Variants in BRINP1 observed in about 807,000 individuals in gnomAD.
BRINP1 encodes BMP/retinoic acid-inducible neural-specific protein 1.
Under a neutral mutation model 72.9 loss-of-function variants are expected in BRINP1, and 17 were observed. The observed-to-expected ratio is 0.23, with a 90% confidence interval of 0.16 to 0.35. The LOEUF (loss-of-function observed/expected upper bound fraction) is 0.35. Ranked by LOEUF, BRINP1 falls within the 10% of genes least tolerant of loss-of-function variation. The pLI, the probability that BRINP1 is intolerant of heterozygous loss-of-function variation, is 1.00. For synonymous variants in BRINP1, 418 were observed against 378.5 expected (o/e 1.10, Z -1.21); for missense variants, 850 against 1,001.6 (o/e 0.85, Z 2.04).
chr9:119,327,014 A>G (rs1004853609), intron 1 of BRINP1, among the ~76,000 whole-genome samples: 1 of 152,192 alleles, frequency 6.6e-6, no homozygotes, highest in Non-Finnish European at 1.5e-5. Flanking sequence ...GAATCTACAA[A>G]CATTTCCCAG....
rs1384471796 is a variant in BRINP1 at position 119,353,107 on chromosome 9, A to T, written c.-51+15949T>A. Among the ~76,000 whole-genome samples the T allele has an allele frequency of 3.3e-5, 5 of 152,320 alleles. No homozygotes were observed. The East Asian group carries it at 9.7e-4, about 29-fold the overall frequency. On this transcript the variant is annotated intron_variant, in intron 1 of 7. Coordinates refer to ENST00000265922, the MANE Select transcript of BRINP1 (RefSeq NM_014618.3). The stretch of plus-strand genomic sequence containing the variant: ...TCATTTTATGGCCTAAAGATTCAGA[A>T]CATCTATTGATAGAATTTCGGTACC...
intron 2 of BRINP1, among the ~76,000 whole-genome samples, chr9:119,308,633 G>T (rs1831024528): frequency 6.6e-6 from 1 of 152,106 alleles, no homozygotes; most frequent in African/African-American, 2.4e-5. Context: ...AAATTATCAG[G>T]ACAACAGAGG....
intron 2 of BRINP1, among the ~76,000 whole-genome samples, chr9:119,267,348 T>C (rs983915465): frequency 3.3e-5 from 5 of 151,968 alleles, no homozygotes; most frequent in African/African-American, 1.2e-4. Context: ...AAGAAGCCTA[T>C]TAAAGACCAG....
chr9:119,178,496 C>T (rs956509705), intron 7 of BRINP1, among the ~76,000 whole-genome samples: 7 of 152,208 alleles, frequency 4.6e-5, no homozygotes. Flanking sequence ...AATCAATCTC[C>T]TATACCTCCC....
chr9:119,278,966 A>C (rs759714633), intron 2 of BRINP1, among the ~76,000 whole-genome samples: 1 of 152,150 alleles, frequency 6.6e-6, no homozygotes, highest in Admixed American at 6.5e-5. Flanking sequence ...TTTTACATCC[A>C]AAATATCCCA....
intron 1 of BRINP1, among the ~76,000 whole-genome samples, chr9:119,324,258 T>C (rs1226018043): frequency 1.3e-5 from 2 of 152,142 alleles, no homozygotes; most frequent in African/African-American, 4.8e-5. Context: ...TTACTACCTA[T>C]CTTCAAGACT....
intron 7 of BRINP1, among the ~76,000 whole-genome samples, chr9:119,176,310 C>T (rs1198000864): frequency 6.6e-6 from 1 of 152,112 alleles, no homozygotes; most frequent in African/African-American, 2.4e-5. Flanking sequence ...GACGATGATG[C>T]TCTCAGTGGT....
chr9:119,209,336 G>A (rs1249790406), intron 6 of BRINP1, among the ~76,000 whole-genome samples: 1 of 152,172 alleles, frequency 6.6e-6, no homozygotes, highest in Non-Finnish European at 1.5e-5. Context: ...ACTTTGGGAG[G>A]CCAAGGCGGG....
chr9:119,345,335 GA>G (rs981291846), intron 1 of BRINP1, among the ~76,000 whole-genome samples: 8 of 151,360 alleles, frequency 5.3e-5, no homozygotes, highest in African/African-American at 1.5e-4. Context: ...TTTCTTGGGA[GA>G]AAAAAAAATT....
intron 1 of BRINP1, among the ~76,000 whole-genome samples, chr9:119,367,994 A>G (rs1831713361): frequency 6.6e-6 from 1 of 152,164 alleles, no homozygotes; most frequent in Non-Finnish European, 1.5e-5. Flanking sequence ...CTGTCTTAGG[A>G]AAGTGCCCCA....
At chr9:119,204,353 C>T (rs1829831444) in intron 7 of BRINP1, among the ~76,000 whole-genome samples, 1 of 152,196 alleles carries the variant, frequency 6.6e-6, no homozygotes, top group Non-Finnish European at 1.5e-5. Context: ...ACCCCTTTTG[C>T]CTTCCAGCCA....
chr9:119,176,470 T>C lies in BRINP1; in HGVS notation c.1146-8246A>G, dbSNP rs1160966443. 6.6e-5 allele frequency among the ~76,000 whole-genome samples: 10 copies of C among 152,326 alleles called. No individual in the cohort carries two copies. The East Asian group carries it at 1.7e-3, about 26-fold the overall frequency. ...AAACACCAAGAGCCTAATTAGGCAG[T>C]AGAGCCTAATGTTGAAAAGTATGGT... On this transcript the variant is annotated intron_variant, in intron 7 of 7. Coordinates refer to ENST00000265922, the MANE Select transcript of BRINP1 (RefSeq NM_014618.3).
At chr9:119,292,745 A>G (rs530638881) in intron 2 of BRINP1, among the ~76,000 whole-genome samples, 2 of 152,222 alleles carry the variant, frequency 1.3e-5, no homozygotes, top group African/African-American at 4.8e-5. Context: ...GTGATGGACA[A>G]AAGTCTTACC....
rs189192986 is a variant in BRINP1 at position 119,208,961 on chromosome 9, G to C, written c.923-20C>G. On this transcript the variant is annotated intron_variant, in intron 6 of 7. Coordinates refer to ENST00000265922, the MANE Select transcript of BRINP1 (RefSeq NM_014618.3). ...ACTCATCTAGTGAGAGACAAAGGCC[G>C]AGAGAGAAGGGCTAAGCATGATAAC... 10 of 1,591,998 alleles carry C rather than the reference G, an allele frequency of 6.3e-6. No individual in the cohort carries two copies. Among genetic ancestry groups the C allele is most frequent in the Non-Finnish European group, 8.6e-6 (10 of 1,160,236 alleles).
chr9:119,324,394 G>A (rs1394933788), intron 1 of BRINP1, among the ~76,000 whole-genome samples: 1 of 152,142 alleles, frequency 6.6e-6, no homozygotes, highest in Non-Finnish European at 1.5e-5. Context: ...GGTGCCTAGT[G>A]ATATGGAGTT....
chr9:119,357,411 C>T lies in BRINP1; in HGVS notation c.-51+11645G>A, dbSNP rs145365175. On this transcript the variant is annotated intron_variant, in intron 1 of 7. Coordinates refer to ENST00000265922, the MANE Select transcript of BRINP1 (RefSeq NM_014618.3). The stretch of plus-strand genomic sequence containing the variant: ...GACTGGTGGCTTTGGTGGTTCTACT[C>T]CCAGGAAGAATAAGATTCTGGCTCT... Among the ~76,000 whole-genome samples the T allele has an allele frequency of 4.9e-3, 749 of 152,014 alleles. 5 individuals carry two copies. The highest frequency in any genetic ancestry group is 0.017 in the African/African-American group (705 of 41,326).
At chr9:119,229,728 C>G (rs561755555) in intron 5 of BRINP1, among the ~76,000 whole-genome samples, 1 of 152,204 alleles carries the variant, frequency 6.6e-6, no homozygotes, top group East Asian at 1.9e-4. Context: ...GAATGGCATA[C>G]AGTAGGCCCT....
At chr9:119,333,203 G>A (rs992618302) in intron 1 of BRINP1, among the ~76,000 whole-genome samples, 4 of 151,920 alleles carry the variant, frequency 2.6e-5, no homozygotes, top group Admixed American at 2.6e-4. Context: ...GCTCATGCCT[G>A]TAATCCCAGG....
In BRINP1 at chr9:119,168,113, G is replaced by A. The variant is rs748198686; in HGVS notation, c.1257C>T (p.Thr419=). The change falls in exon 8 of 8, where the codon ACC becomes ACT. Residue 419 remains threonine (T), a synonymous_variant. Transcript: ENST00000265922. ...SQRSCVCHGS[T]TLCQRPIPCV... ...AGGGGATGGGGCGCTGGCACAGCGT[G>A]GTGCTGCCGTGGCACACGCAGCTCC... The A allele has an allele frequency of 6.2e-7, 1 of 1,607,774 alleles. No homozygotes were observed. The highest frequency in any genetic ancestry group is 8.5e-7 in the Non-Finnish European group (1 of 1,176,022).
Sources: allele counts gnomAD v4.1 joint callset (sites outside exome capture counted in the v4.1 genomes callset), GRCh38; gene constraint gnomAD v4.1.1; transcripts MANE v1.5; gene names NCBI Gene and HGNC (gene_info 2026-07-23, HGNC 2026-07-21).